The following DMD variants were observed in gnomAD, a reference collection of about 807,000 sequenced individuals.
The protein encoded by DMD is dystrophin.
Under a neutral mutation model 330.1 loss-of-function variants are expected in DMD, and 63 were observed. The ratio of observed to expected loss-of-function variants is 0.19; its 90% CI spans 0.16 to 0.24. The LOEUF is 0.24. DMD is among the 10% of genes least tolerant of loss of function. The pLI, the probability that DMD is intolerant of heterozygous loss-of-function variation, is 1.00. For missense variants in DMD, 3,344 were observed against 2,684.1 expected (o/e 1.25, Z -5.43); for synonymous variants, 1,223 against 959.8 (o/e 1.27, Z -5.07).
chrX:33,053,831 T>G (rs999225930), intron 1 of DMD, among the ~76,000 whole-genome samples: 1 of 109,431 alleles, frequency 9.1e-6, no homozygotes, highest in African/African-American at 3.3e-5. Flanking sequence ...GATTAGTACG[T>G]ACAATGTCGT....
intron 13 of DMD, among the ~76,000 whole-genome samples, chrX:32,589,263 G>A (rs960202923): frequency 5.4e-5 from 6 of 111,303 alleles, no homozygotes; most frequent in South Asian, 3.8e-4. Flanking sequence ...AATCGTGGGC[G>A]TAAAATACAG....
At chrX:33,330,284 T>A in intron 1 of DMD, among the ~76,000 whole-genome samples, 1 of 111,361 alleles carries the variant, frequency 9.0e-6, no homozygotes, top group East Asian at 2.8e-4. Context: ...TGGAGATCAA[T>A]TAAATTGGAA....
chrX:32,131,587 T>C (rs1195521826), intron 44 of DMD, among the ~76,000 whole-genome samples: 1 of 112,039 alleles, frequency 8.9e-6, no homozygotes, highest in Admixed American at 9.5e-5. Context: ...TCTTGTCGCA[T>C]TGGAAAACGC....
chrX:32,319,754 G>T (rs888353148), intron 41 of DMD, among the ~76,000 whole-genome samples: 1 of 110,471 alleles, frequency 9.1e-6, no homozygotes, highest in East Asian at 2.9e-4. Context: ...ACATATAGAC[G>T]ATATTAAGAT....
chrX:32,112,262 C>A (rs1466036381), intron 44 of DMD, among the ~76,000 whole-genome samples: 4 of 111,899 alleles, frequency 3.6e-5, no homozygotes, highest in Non-Finnish European at 7.5e-5. Context: ...GATAAAAATA[C>A]AGGCTGCTCA....
At chrX:31,297,538 T>C (rs760479469) in intron 62 of DMD, among the ~76,000 whole-genome samples, 14 of 112,014 alleles carry the variant, frequency 1.2e-4, no homozygotes, top group Non-Finnish European at 2.3e-4. Context: ...AAAGCCAACA[T>C]TGAAATCTTT....
At chrX:32,252,578 A>G (rs1204845193) in intron 43 of DMD, among the ~76,000 whole-genome samples, 1 of 52,983 alleles carries the variant, frequency 1.9e-5, no homozygotes, top group Non-Finnish European at 3.1e-5. Context: ...ACTGATATAT[A>G]GTGCCATATA....
intron 44 of DMD, among the ~76,000 whole-genome samples, chrX:32,204,281 C>T (rs780812047): frequency 8.9e-6 from 1 of 111,992 alleles, no homozygotes; most frequent in East Asian, 2.8e-4. Context: ...AAATTTTTGT[C>T]TAAGAGTTAT....
chrX:32,654,784 A>C (rs1286825587), intron 9 of DMD, among the ~76,000 whole-genome samples: 1 of 110,559 alleles, frequency 9.0e-6, no homozygotes, highest in East Asian at 2.9e-4. Context: ...CTGGTCCTGG[A>C]CTTTTTTTGG....
intron 47 of DMD, among the ~76,000 whole-genome samples, chrX:31,928,332 G>A (rs1421911560): frequency 9.0e-6 from 1 of 111,663 alleles, no homozygotes; most frequent in Non-Finnish European, 1.9e-5. Flanking sequence ...GAGGCTGGGC[G>A]CGGTGGCTCA....
intron 47 of DMD, among the ~76,000 whole-genome samples, chrX:31,893,775 G>A (rs1485118090): frequency 9.0e-6 from 1 of 111,166 alleles, no homozygotes; most frequent in African/African-American, 3.3e-5. Flanking sequence ...GTAACTAACA[G>A]AGGTTTGGAA....
intron 1 of DMD, among the ~76,000 whole-genome samples, chrX:33,030,330 T>G (rs947249641): frequency 1.8e-5 from 2 of 111,746 alleles, no homozygotes; most frequent in African/African-American, 6.5e-5. Context: ...TCTTCTCGAT[T>G]TGAAAGATAA....
At chrX:31,363,539 C>G (rs1375947361) in intron 60 of DMD, among the ~76,000 whole-genome samples, 1 of 109,721 alleles carries the variant, frequency 9.1e-6, no homozygotes, top group African/African-American at 3.3e-5. Context: ...CACCACCACG[C>G]CTGGCTAATT....
intron 44 of DMD, among the ~76,000 whole-genome samples, chrX:32,071,945 G>T (rs1736258056): frequency 9.0e-6 from 1 of 111,396 alleles, no homozygotes; most frequent in Non-Finnish European, 1.9e-5. Context: ...GTTAGTAATT[G>T]CTCTGGAATT....
At chrX:32,345,673 A>G (rs2097761331) in intron 39 of DMD, among the ~76,000 whole-genome samples, 1 of 110,731 alleles carries the variant, frequency 9.0e-6, no homozygotes, top group South Asian at 3.8e-4. Flanking sequence ...AGCACATTAG[A>G]AAATTAAATG....
At chrX:32,830,750 G>GACTATGGAGTAGTCTCCTGCTGTCTA (rs2079087953) in intron 4 of DMD, among the ~76,000 whole-genome samples, 2 of 111,622 alleles carry the variant, frequency 1.8e-5, no homozygotes, top group Non-Finnish European at 3.8e-5. Context: ...CTGTCTCAGA[G>GACTATGGAGTAGTCTCCTGCTGTCTA]TTTTACACTG....
At chrX:31,389,227 C>T (rs1039001713) in intron 60 of DMD, among the ~76,000 whole-genome samples, 5 of 112,006 alleles carry the variant, frequency 4.5e-5, no homozygotes, top group Non-Finnish European at 9.4e-5. Flanking sequence ...CCATTTTATC[C>T]AACGTCATCA....
intron 2 of DMD, among the ~76,000 whole-genome samples, chrX:32,968,598 T>C (rs937311252): frequency 1.8e-5 from 2 of 111,831 alleles, no homozygotes; most frequent in South Asian, 3.7e-4. Context: ...TGAATGAATG[T>C]TTGTGTCCAC....
At chrX:32,392,391 T>A (rs1189116305) in intron 30 of DMD, among the ~76,000 whole-genome samples, 2 of 111,525 alleles carry the variant, frequency 1.8e-5, no homozygotes, top group Non-Finnish European at 3.8e-5. Context: ...ACCAAGTAGC[T>A]GCGATTACAG....
Sources: gnomAD v4.1 joint callset for allele counts (sites outside exome capture counted in the v4.1 genomes callset) on GRCh38, gnomAD v4.1.1 for gene constraint, MANE v1.5 for transcripts, NCBI Gene and HGNC (gene_info 2026-07-23, HGNC 2026-07-21) for gene names.